The following TMEM117 variants were observed in gnomAD, a reference collection of about 807,000 sequenced individuals.
TMEM117 encodes the protein transmembrane protein 117.
Under a neutral mutation model 52.4 loss-of-function variants are expected in TMEM117, and 27 were observed. The observed-to-expected ratio is 0.51, with a 90% CI of 0.38 to 0.71. The LOEUF (loss-of-function observed/expected upper bound fraction) is 0.71. TMEM117 is among the 30% of genes least tolerant of loss of function. The probability of loss-of-function intolerance (pLI) is 0.00; values close to 1 mark genes in which losing one functional copy is unlikely to be tolerated. For synonymous variants in TMEM117, 215 were observed against 206.3 expected (o/e 1.04, Z -0.36); for missense variants, 556 against 630.5 (o/e 0.88, Z 1.26).
chr12:43,891,367 A>ATTTTTTTTTTTATTTTTTTTTTTT (rs1944100702), intron 2 of TMEM117, among the ~76,000 whole-genome samples: 1 of 57,804 alleles, frequency 1.7e-5, no homozygotes, highest in Non-Finnish European at 3.1e-5. Context: ...TACCTCTTGA[A>ATTTTTTTTTTTATTTTTTTTTTTT]TTTTTTTTTT....
chr12:43,931,125 A>G (rs1295779521), intron 2 of TMEM117, among the ~76,000 whole-genome samples: 1 of 152,256 alleles, frequency 6.6e-6, no homozygotes, highest in African/African-American at 2.4e-5. Flanking sequence ...TAGAGCTCAC[A>G]CAGGACTAAG....
intron 3 of TMEM117, among the ~76,000 whole-genome samples, chr12:43,961,890 A>G (rs10785485): frequency 0.94 from 142,647 of 152,206 alleles, 67,300 homozygotes; most frequent in Non-Finnish European, 0.99. Context: ...AAGGCTTACC[A>G]AAAGTTATAT....
intron 5 of TMEM117, among the ~76,000 whole-genome samples, chr12:44,283,588 G>A (rs1407137872): frequency 1.3e-5 from 2 of 152,108 alleles, no homozygotes; most frequent in Non-Finnish European, 2.9e-5. Flanking sequence ...CCCAATACCT[G>A]TACCCCCATT....
intron 5 of TMEM117, among the ~76,000 whole-genome samples, chr12:44,250,191 C>A (rs893986438): frequency 3.3e-5 from 5 of 152,108 alleles, no homozygotes; most frequent in Non-Finnish European, 7.4e-5. Flanking sequence ...TATGAACAGA[C>A]ACTTCTCAAA....
At chr12:44,044,786 A>G (rs1490611588) in intron 3 of TMEM117, among the ~76,000 whole-genome samples, 1 of 152,224 alleles carries the variant, frequency 6.6e-6, no homozygotes, top group African/African-American at 2.4e-5. Flanking sequence ...GTGAAGGGAA[A>G]TCTTCCCAGT....
chr12:44,018,685 T>G (rs1166728751), intron 3 of TMEM117, among the ~76,000 whole-genome samples: 1 of 152,056 alleles, frequency 6.6e-6, no homozygotes. Context: ...TCTTGATAAT[T>G]AACTCTACTG....
chr12:44,385,591 A>G (rs1952077448), intron 7 of TMEM117, among the ~76,000 whole-genome samples: 1 of 152,116 alleles, frequency 6.6e-6, no homozygotes, highest in Non-Finnish European at 1.5e-5. Flanking sequence ...AGAGTGAGAC[A>G]CTGTCTCAAA....
At chr12:43,838,537 G>T (rs10082995) in intron 1 of TMEM117, among the ~76,000 whole-genome samples, 4,205 of 93,308 alleles carry the variant, frequency 0.045, 291 homozygotes, top group African/African-American at 0.2. Context: ...GAGTCTTCCA[G>T]TTTTTTTTTT....
chr12:44,222,783 A>C (rs1949805908), intron 5 of TMEM117, among the ~76,000 whole-genome samples: 1 of 152,172 alleles, frequency 6.6e-6, no homozygotes, highest in African/African-American at 2.4e-5. Context: ...AGGAACTACC[A>C]AGGAATAATG....
At chr12:43,862,167 A>G (rs940920871) in intron 2 of TMEM117, among the ~76,000 whole-genome samples, 5 of 152,098 alleles carry the variant, frequency 3.3e-5, no homozygotes, top group Admixed American at 3.3e-4. Flanking sequence ...TGAGAAGGAA[A>G]TAAACTTTTG....
chr12:44,250,172 G>A (rs1002474643), intron 5 of TMEM117, among the ~76,000 whole-genome samples: 1 of 152,070 alleles, frequency 6.6e-6, no homozygotes, highest in African/African-American at 2.4e-5. Context: ...TCAAAAAGTG[G>A]GCAAAGGATA....
intron 3 of TMEM117, among the ~76,000 whole-genome samples, chr12:43,973,704 G>A (rs1488506490): frequency 6.6e-6 from 1 of 152,150 alleles, no homozygotes; most frequent in East Asian, 1.9e-4. Context: ...GCAAGAGCCT[G>A]GTATTCAAAG....
intron 3 of TMEM117, among the ~76,000 whole-genome samples, chr12:44,048,773 C>T (rs188920925): frequency 6.6e-6 from 1 of 152,232 alleles, no homozygotes; most frequent in East Asian, 1.9e-4. Flanking sequence ...GTGTCATTGA[C>T]TGTGAATATA....
At chr12:44,045,762 G>C in intron 3 of TMEM117, among the ~76,000 whole-genome samples, 1 of 152,162 alleles carries the variant, frequency 6.6e-6, no homozygotes, top group East Asian at 1.9e-4. Flanking sequence ...AGAATCCCTT[G>C]AACCTGAGAG....
At chr12:43,891,722 C>G (rs866178720) in intron 2 of TMEM117, among the ~76,000 whole-genome samples, 4 of 151,996 alleles carry the variant, frequency 2.6e-5, no homozygotes, top group Non-Finnish European at 5.9e-5. Context: ...ACACTCATAT[C>G]CTCTTATTTT....
intron 4 of TMEM117, among the ~76,000 whole-genome samples, chr12:44,190,879 A>G (rs2138341836): frequency 6.7e-6 from 1 of 148,410 alleles, no homozygotes; most frequent in South Asian, 2.1e-4. Flanking sequence ...AGAGATACAT[A>G]CATACATATA....
chr12:44,091,674 C>T (rs1321869475), intron 3 of TMEM117, among the ~76,000 whole-genome samples: 1 of 152,076 alleles, frequency 6.6e-6, no homozygotes, highest in Non-Finnish European at 1.5e-5. Flanking sequence ...TCAGTTGGCA[C>T]AACAGAGGGC....
intron 4 of TMEM117, among the ~76,000 whole-genome samples, chr12:44,152,668 T>TAATTTTTATATATATAATATTTATATATA: frequency 1.5e-5 from 2 of 133,026 alleles, no homozygotes; most frequent in African/African-American, 5.6e-5. Flanking sequence ...ATATCATATA[T>TAATTTTTATATATATAATATTTATATATA]AATTTTTATA....
chr12:43,939,814 A>G (rs1945014628), intron 2 of TMEM117, among the ~76,000 whole-genome samples: 1 of 152,240 alleles, frequency 6.6e-6, no homozygotes, highest in African/African-American at 2.4e-5. Flanking sequence ...GGTAATTTAT[A>G]AAGGAAAGAG....
Sources: gnomAD v4.1 joint callset for allele counts (sites outside exome capture counted in the v4.1 genomes callset) on GRCh38, gnomAD v4.1.1 for gene constraint, MANE v1.5 for transcripts, NCBI Gene and HGNC (gene_info 2026-07-23, HGNC 2026-07-21) for gene names.